The following CRTC1 variants were observed in gnomAD, a reference collection of about 807,000 sequenced individuals.
The protein encoded by CRTC1 is CREB regulated transcription coactivator 1.
CRTC1 carries 18 observed loss-of-function variants against 66.1 expected under a neutral mutation model. The observed-to-expected ratio is 0.27, with a 90% confidence interval of 0.19 to 0.40. The LOEUF (loss-of-function observed/expected upper bound fraction) is 0.40, where lower values mean the gene tolerates loss of function less well. Among genes scored for constraint, CRTC1 ranks in the 10% least tolerant of loss-of-function variants. The probability of loss-of-function intolerance (pLI) is 1.00; values close to 1 mark genes in which losing one functional copy is unlikely to be tolerated. For synonymous variants in CRTC1, 416 were observed against 398.8 expected, an observed-to-expected ratio of 1.04 and a Z score of -0.51; for missense variants, 669 against 887.9, an observed-to-expected ratio of 0.75 and a Z score of 3.13.
chr19:18,745,990 G>T (rs1030824160), intron 3 of CRTC1, 30 bp downstream of exon 3: 15 of 1,586,512 alleles, frequency 9.5e-6, no homozygotes, highest in Non-Finnish European at 1.1e-5. Flanking sequence ...ATGAGGGTGG[G>T]GGCCAGGCCC....
In CRTC1 at chr19:18,753,481, C is replaced by T. The variant is rs1252091335; in HGVS notation, c.539-19C>T. The T allele has an allele frequency of 3.2e-6, 5 of 1,577,632 alleles. No individual in the cohort carries two copies. Among genetic ancestry groups the T allele is most frequent in the Non-Finnish European group, 3.5e-6 (4 of 1,154,374 alleles). ...AAATTTCTTCTCTGATTCTCCTTCT[C>T]CCCCTCCCACCTCCCCAGTCTTACT... is the stretch of plus-strand genomic sequence containing the variant. On this transcript the variant is annotated intron_variant, in intron 5 of 13. Coordinates refer to ENST00000321949, the MANE Select transcript of CRTC1 (RefSeq NM_015321.3).
At chr19:18,762,991 A>G (rs1439196029) in intron 8 of CRTC1, among the ~76,000 whole-genome samples, 2 of 152,360 alleles carry the variant, frequency 1.3e-5, no homozygotes, top group East Asian at 1.9e-4. Flanking sequence ...AGCAAACCAC[A>G]TAATCGGCAG....
chr19:18,699,742 G>A (rs1034941212), intron 1 of CRTC1, among the ~76,000 whole-genome samples: 29 of 152,198 alleles, frequency 1.9e-4, no homozygotes, highest in African/African-American at 6.8e-4. Context: ...GTGATGCCTC[G>A]TGGGCCAGGG....
chr19:18,776,237 G>A (rs924526663), intron 13 of CRTC1, among the ~76,000 whole-genome samples: 2 of 152,230 alleles, frequency 1.3e-5, no homozygotes, highest in African/African-American at 2.4e-5. Context: ...TGGGCAGCCA[G>A]CTAACAGGTC....
chr19:18,721,216 C>T (rs575003519), intron 1 of CRTC1, among the ~76,000 whole-genome samples: 180 of 138,158 alleles, frequency 1.3e-3, no homozygotes, highest in African/African-American at 4.6e-3. Flanking sequence ...TTTTTTGAGA[C>T]GGAGTCTCGC....
chr19:18,723,314 C>T (rs2023878), intron 1 of CRTC1, among the ~76,000 whole-genome samples: 36,333 of 152,094 alleles, frequency 0.24, 4,933 homozygotes, highest in East Asian at 0.6. Context: ...TTTTGTCTTT[C>T]GGATGTTGTT....
intron 9 of CRTC1, 80 bp downstream of exon 9, chr19:18,765,608 T>C (rs2054713992): frequency 7.2e-7 from 1 of 1,395,702 alleles, no homozygotes. Context: ...GAAGGCCTCC[T>C]GTTCCTTCCA....
At chr19:18,711,869 C>G (rs536501685) in intron 1 of CRTC1, among the ~76,000 whole-genome samples, 2 of 152,240 alleles carry the variant, frequency 1.3e-5, no homozygotes, top group African/African-American at 4.8e-5. Flanking sequence ...CACCCCCACA[C>G]TGCCAGAACC....
At chr19:18,719,224 T>C (rs1436545599) in intron 1 of CRTC1, among the ~76,000 whole-genome samples, 1 of 152,208 alleles carries the variant, frequency 6.6e-6, no homozygotes, top group Non-Finnish European at 1.5e-5. Flanking sequence ...GGCTTGGTCC[T>C]TCCCTGCATC....
Position 18,713,845 on chromosome 19 carries a change from T to C in CRTC1, c.127-29065T>C, listed in dbSNP as rs576747219. On this transcript the variant is annotated intron_variant, in intron 1 of 13. Coordinates refer to ENST00000321949, the MANE Select transcript of CRTC1 (RefSeq NM_015321.3). ...GACATCCCAAAAGGCCACGCAGAGG[T>C]GGGAGCTGGAGGACACAGCCCTGCA... 2.6e-5 allele frequency among the ~76,000 whole-genome samples: 4 copies of C among 152,190 alleles called. No individual in the cohort carries two copies. In the South Asian group the frequency reaches 8.3e-4, roughly 32 times the overall value.
In CRTC1 at chr19:18,683,982, TGTCCC is replaced by T. The variant is rs1427549815; in HGVS notation, c.126+155_126+159del. Among the ~76,000 whole-genome samples, 250 of 146,890 alleles carry T rather than the reference TGTCCC, an allele frequency of 1.7e-3. 1 individual carries two copies. Among genetic ancestry groups the T allele is most frequent in the Admixed American group, 1.6e-3 (24 of 14,928 alleles). On this transcript the variant is annotated intron_variant, in intron 1 of 13. Transcript: ENST00000321949. ...CTTGGCACGGCCCGAGGGGGACAGG[TGTCCC>T]CACGCCCCGGGCGTCGTGGGCGGGA... is the stretch of plus-strand genomic sequence containing the variant.
intron 1 of CRTC1, among the ~76,000 whole-genome samples, chr19:18,702,774 TC>T (rs1037088018): frequency 6.6e-6 from 1 of 151,968 alleles, no homozygotes; most frequent in African/African-American, 2.4e-5. Context: ...CCTCAGGTGA[TC>T]CACCTGCCTC....
intron 1 of CRTC1, among the ~76,000 whole-genome samples, chr19:18,693,897 GC>G (rs2052917608): frequency 6.6e-6 from 1 of 150,826 alleles, no homozygotes; most frequent in African/African-American, 2.4e-5. Flanking sequence ...GCTTTGGGAG[GC>G]CAAGGCAGGT....
intron 9 of CRTC1, among the ~76,000 whole-genome samples, chr19:18,767,937 T>C (rs2145837299): frequency 6.6e-6 from 1 of 152,100 alleles, no homozygotes; most frequent in East Asian, 1.9e-4. Context: ...ACACAGACAG[T>C]GAACGTCACA....
At chr19:18,759,980 C>G in intron 7 of CRTC1, 28 bp from the exon 8 acceptor site, 2 of 1,446,592 alleles carry the variant, frequency 1.4e-6, no homozygotes, top group Non-Finnish European at 1.9e-6. Context: ...ATGAGCTCAC[C>G]TCCTGCCTGC....
At chr19:18,726,653 C>T (rs142711292) in intron 1 of CRTC1, among the ~76,000 whole-genome samples, 2,055 of 152,238 alleles carry the variant, frequency 0.013, 34 homozygotes, top group Middle Eastern at 0.075. Context: ...AAAGGCTGGG[C>T]GTGGTGGCCC....
intron 2 of CRTC1, among the ~76,000 whole-genome samples, chr19:18,743,753 C>T (rs1250057647): frequency 6.6e-6 from 1 of 152,238 alleles, no homozygotes; most frequent in South Asian, 2.1e-4. Flanking sequence ...CCACCTGCAC[C>T]GCCGCTGGAC....
In CRTC1 at chr19:18,760,904, T is replaced by A. The variant is rs746211940; in HGVS notation, c.886+676T>A. ...CCCTCAGGACCTGGCCTGACCTGGC[T>A]CCTCTCCCCAGGCCCCCAGCCCCCT... On this transcript the variant is annotated intron_variant, in intron 8 of 13. Coordinates refer to ENST00000321949, the MANE Select transcript of CRTC1 (RefSeq NM_015321.3). This position sits in a 1 kb window ranked among gnomAD's most constrained non-coding sequence, Gnocchi z 6.2. Among the ~76,000 whole-genome samples, 2 of 150,970 alleles carry A rather than the reference T, an allele frequency of 1.3e-5. No individual in the cohort carries two copies. The highest frequency in any genetic ancestry group is 3.0e-5 in the Non-Finnish European group (2 of 67,732).
chr19:18,742,441 C>T (rs556822592), intron 1 of CRTC1, among the ~76,000 whole-genome samples: 33 of 152,338 alleles, frequency 2.2e-4, no homozygotes, highest in Non-Finnish European at 1.5e-4. Flanking sequence ...ACAAGTCCCA[C>T]GCTTTGAAGG....
Sources: allele counts gnomAD v4.1 joint callset (sites outside exome capture counted in the v4.1 genomes callset), GRCh38; gene constraint gnomAD v4.1.1; non-coding constraint Gnocchi (gnomAD v3.1); transcripts MANE v1.5; gene names NCBI Gene and HGNC (gene_info 2026-07-23, HGNC 2026-07-21).